MFSD1: variants seen among roughly 807,000 people sequenced by gnomAD.
MFSD1 encodes the protein major facilitator superfamily domain containing 1, also known as lysosomal dipeptide transporter MFSD1.
In MFSD1, 59 loss-of-function variants were observed where a neutral mutation model predicts 67.1. That is an observed-to-expected ratio of 0.88 (90% confidence interval 0.71 to 1.09). MFSD1 has a LOEUF of 1.09. Among genes scored for constraint, MFSD1 ranks in the 50% least tolerant of loss-of-function variants. MFSD1 has a pLI of 0.00. For missense variants in MFSD1, 552 were observed against 566.1 expected, an observed-to-expected ratio of 0.97 and a Z score of 0.25; for synonymous variants, 213 against 200.3, an observed-to-expected ratio of 1.06 and a Z score of -0.54.
chr3:158,818,068 C>A (rs1415047028), intron 7 of MFSD1, among the ~76,000 whole-genome samples: 1 of 152,074 alleles, frequency 6.6e-6, no homozygotes, highest in African/African-American at 2.4e-5. Flanking sequence ...TCTGGGTTTA[C>A]CACTTTTGCT....
chr3:158,803,095 T>C (rs544650821), intron 1 of MFSD1, among the ~76,000 whole-genome samples: 42 of 152,322 alleles, frequency 2.8e-4, no homozygotes, highest in Admixed American at 2.1e-3. Context: ...TTGACAGTGG[T>C]TGGTTTCTCT....
intron 9 of MFSD1, among the ~76,000 whole-genome samples, chr3:158,821,235 T>A (rs1730653891): frequency 6.6e-6 from 1 of 152,244 alleles, no homozygotes; most frequent in South Asian, 2.1e-4. Context: ...GCTGTCCTTT[T>A]AAATAGTTTC....
At chr3:158,821,753 T>A in intron 10 of MFSD1, 100 bp downstream of exon 10, 1 of 1,136,442 alleles carries the variant, frequency 8.8e-7, no homozygotes, top group Non-Finnish European at 1.3e-6. Context: ...TGACCTAATA[T>A]TTTTTAAGTG....
At chr3:158,828,329 G>C (rs747081043) in intron 15 of MFSD1, among the ~76,000 whole-genome samples, 1 of 152,004 alleles carries the variant, frequency 6.6e-6, no homozygotes, top group Non-Finnish European at 1.5e-5. Flanking sequence ...TAATTGTTGT[G>C]ACTTTTGACT....
At chr3:158,818,699 G>C (rs1266563883) in intron 7 of MFSD1, among the ~76,000 whole-genome samples, 1 of 152,116 alleles carries the variant, frequency 6.6e-6, no homozygotes, top group African/African-American at 2.4e-5. Flanking sequence ...ATCCTAAGCA[G>C]GCAAGCATAT....
chr3:158,806,240 A>AT (rs1239834091), intron 3 of MFSD1, among the ~76,000 whole-genome samples: 3 of 152,020 alleles, frequency 2.0e-5, no homozygotes, highest in African/African-American at 4.8e-5. Context: ...AATTAAATTT[A>AT]TTTTTTTTGA....
intron 8 of MFSD1, among the ~76,000 whole-genome samples, 178 bp from the exon 9 acceptor site, chr3:158,820,037 T>C (rs1158775270): frequency 1.3e-5 from 2 of 152,230 alleles, no homozygotes; most frequent in African/African-American, 4.8e-5. Flanking sequence ...TTTTGCTTTT[T>C]CTTATGTCTT....
At chr3:158,826,671 CT>C (rs1295711209) in intron 14 of MFSD1, among the ~76,000 whole-genome samples, 1 of 125,122 alleles carries the variant, frequency 8.0e-6, no homozygotes, top group Admixed American at 8.0e-5. Context: ...TTTTTTTTTT[CT>C]TTTCTTTTTT....
At chr3:158,819,785 C>G in intron 8 of MFSD1, 38 bp downstream of exon 8, 1 of 1,230,568 alleles carries the variant, frequency 8.1e-7, no homozygotes, top group Non-Finnish European at 1.2e-6. Flanking sequence ...AGGGGAATTA[C>G]GGCCTTTGTG....
chr3:158,816,857 C>T (rs1192629223), intron 7 of MFSD1, among the ~76,000 whole-genome samples: 1 of 148,214 alleles, frequency 6.7e-6, no homozygotes, highest in African/African-American at 2.5e-5. Context: ...CCAGTTTCAG[C>T]TTTCTACATA....
chr3:158,816,550 G>A (rs1730358363), intron 7 of MFSD1, among the ~76,000 whole-genome samples: 1 of 151,498 alleles, frequency 6.6e-6, no homozygotes, highest in Non-Finnish European at 1.5e-5. Flanking sequence ...CTGGATATTA[G>A]CCCTTTGTCA....
chr3:158,810,683 T>C (rs1409369318), intron 6 of MFSD1, among the ~76,000 whole-genome samples: 1 of 152,230 alleles, frequency 6.6e-6, no homozygotes, highest in African/African-American at 2.4e-5. Context: ...TTCCGCATTA[T>C]CATTCCAGAG....
chr3:158,826,006 C>G lies in MFSD1; in HGVS notation c.1289-9C>G. On this transcript the variant is annotated splice_polypyrimidine_tract_variant and intron_variant, in intron 13 of 15. Coordinates refer to ENST00000415822, the MANE Select transcript of MFSD1 (RefSeq NM_022736.4). ...ATATTTTAAGGGCCCTATGTTTTTTCACTCCTAGTGTCACTTTTATCTGTG... is the reference window on the plus strand; with the variant it reads ...ATATTTTAAGGGCCCTATGTTTTTTGACTCCTAGTGTCACTTTTATCTGTG... 6.2e-7 allele frequency: 1 copy of G among 1,610,086 alleles called. No homozygotes were observed. Among genetic ancestry groups the G allele is most frequent in the East Asian group, 2.2e-5 (1 of 44,860 alleles).
At position 158,826,064 on chromosome 3, in the gene MFSD1, T is replaced by C. The variant is rs1730950505; in HGVS notation, c.1336+2T>C. 1 of 1,613,102 alleles carries C rather than the reference T, an allele frequency of 6.2e-7. No homozygotes were observed. The highest frequency in any genetic ancestry group is 1.3e-5 in the African/African-American group (1 of 74,882). ...TCTATTTGGTGAATCGTGCCCAGGGTAAGTAGAAGATCTGATATTTGCTTC... is the reference window on the plus strand; with the variant it reads ...TCTATTTGGTGAATCGTGCCCAGGGCAAGTAGAAGATCTGATATTTGCTTC... On this transcript the variant is annotated splice_donor_variant, in intron 14 of 15. Coordinates refer to ENST00000415822, the MANE Select transcript of MFSD1 (RefSeq NM_022736.4). LOFTEE classifies it high-confidence loss of function.
chr3:158,823,440 C>G lies in MFSD1; in HGVS notation c.1090C>G (p.Leu364Val), dbSNP rs780877040. ...TTGCTTTCTGTAGTGTCTTCTGGGA[C>G]TCTCCTACTCATTGCTTGCCTGTGC... ...NPWIAMCLLG[L>V]SYSLLACALW... Residue 364 changes from leucine to valine, a missense_variant, in exon 12 of 16, where the codon CTC (leucine) becomes GTC (valine). Leu to Val is a conservative substitution (Grantham distance 32, BLOSUM62 1). Transcript: ENST00000415822. 1.2e-6 allele frequency: 2 copies of G among 1,612,762 alleles called. No homozygotes were observed. Among genetic ancestry groups the G allele is most frequent in the East Asian group, 4.5e-5 (2 of 44,866 alleles).
intron 3 of MFSD1, among the ~76,000 whole-genome samples, chr3:158,806,790 G>A (rs1481688302): frequency 6.6e-6 from 1 of 152,090 alleles, no homozygotes; most frequent in Non-Finnish European, 1.5e-5. Flanking sequence ...ATATGCCATT[G>A]CTAAAGCCTC....
At position 158,809,400 on chromosome 3, in the gene MFSD1, A is replaced by G. The variant is rs1234137985; in HGVS notation, c.549+113A>G. The G allele has an allele frequency of 9.0e-6, 6 of 669,284 alleles. No individual in the cohort carries two copies. The Admixed American group carries it at 1.6e-4, about 18-fold the overall frequency. The allele number at this position is 669,284 out of a possible 1,614,324, so 41.5% of individuals were successfully genotyped here. ...TTTGTGTATGGTAAATTAGATATTAACTTTTATGGATTTCTCTAGAACACA... is the reference window on the plus strand; with the variant it reads ...TTTGTGTATGGTAAATTAGATATTAGCTTTTATGGATTTCTCTAGAACACA... On this transcript the variant is annotated intron_variant, in intron 6 of 15. Transcript: ENST00000415822.
intron 13 of MFSD1, 42 bp downstream of exon 13, chr3:158,824,278 T>A (rs575793238): frequency 2.2e-6 from 3 of 1,352,180 alleles, no homozygotes; most frequent in South Asian, 2.4e-5. Flanking sequence ...TTTTACTACA[T>A]AACAGAATGT....
In MFSD1 at chr3:158,807,045, G is replaced by C; in HGVS notation, c.335G>C (p.Gly112Ala). 1 of 1,610,276 alleles carries C rather than the reference G, an allele frequency of 6.2e-7. No individual in the cohort carries two copies. Reference protein sequence around the residue: ...LIDRVFGIRWGTIIFSCFVCI... With the variant: ...LIDRVFGIRWATIIFSCFVCI... ...ATTCTTTCTTTCCCAAACAGATGGG[G>C]CACAATCATTTTTAGCTGCTTTGTT... Residue 112 changes from glycine to alanine, a missense_variant, in exon 4 of 16, where the codon GGC becomes GCC. Coordinates refer to ENST00000415822, the MANE Select transcript of MFSD1 (RefSeq NM_022736.4).
Sources: gnomAD v4.1 joint callset for allele counts (sites outside exome capture counted in the v4.1 genomes callset) on GRCh38, gnomAD v4.1.1 for gene constraint, MANE v1.5 for transcripts, NCBI Gene and HGNC (gene_info 2026-07-23, HGNC 2026-07-21) for gene names.